The following FNTB variants were observed in gnomAD, a reference collection of about 807,000 sequenced individuals.
FNTB encodes farnesyltransferase, CAAX box, subunit beta, also known as protein farnesyltransferase subunit beta.
In FNTB, 27 loss-of-function variants were observed where a neutral mutation model predicts 59.4. That is an observed-to-expected ratio of 0.45 (90% CI 0.34 to 0.63). The LOEUF (loss-of-function observed/expected upper bound fraction) is 0.63, where lower values mean the gene tolerates loss of function less well. Ranked by LOEUF, FNTB falls within the 20% of genes least tolerant of loss-of-function variation. FNTB has a pLI of 0.02. For synonymous variants in FNTB, 230 were observed against 220.7 expected (o/e 1.04, Z -0.37); for missense variants, 449 against 559.6 (o/e 0.80, Z 1.99).
In FNTB at chr14:64,995,908, A is replaced by C. The variant is rs796542289; in HGVS notation, c.145-8341A>C. 8.6e-5 allele frequency among the ~76,000 whole-genome samples: 13 copies of C among 151,428 alleles called. 1 individual carries two copies. The highest frequency in any genetic ancestry group is 2.9e-4 in the African/African-American group (12 of 41,366). ...CACTTTGGGAGGCTGAGGCACGCGA[A>C]TCTCCTGAGGTTGAGACCAGCCTGG... On this transcript the variant is annotated intron_variant, in intron 1 of 11. Transcript: ENST00000246166.
At chr14:65,035,794 A>G (rs895270378) in intron 7 of FNTB, among the ~76,000 whole-genome samples, 3 of 151,778 alleles carry the variant, frequency 2.0e-5, no homozygotes, top group African/African-American at 4.8e-5. Flanking sequence ...TTGACCTACC[A>G]AAGTTCAAGG....
rs2062653604 is a variant in FNTB, at chr14:65,053,296, C to T, written c.1014C>T (p.Tyr338=). ...WMFHQQALQE[Y]ILMCCQCPAG... ...TCCATCAGCAGGCCCTGCAGGAGTACATCCTGATGTGCTGCCAGTGCCCTG... is the reference window on the plus strand; with the variant it reads ...TCCATCAGCAGGCCCTGCAGGAGTATATCCTGATGTGCTGCCAGTGCCCTG... The change falls in exon 10 of 12, where the codon TAC becomes TAT. Residue 338 remains tyrosine (Y), a synonymous_variant. Transcript: ENST00000246166. 2.1e-6 allele frequency: 3 copies of T among 1,462,994 alleles called. No individual in the cohort carries two copies. The highest frequency in any genetic ancestry group is 2.7e-6 in the Non-Finnish European group (3 of 1,099,902). 90.6% of individuals were successfully genotyped at this position (1,462,994 alleles called of 1,614,324 possible). A position where few individuals can be genotyped will look rare whatever the true frequency, so the allele number is the denominator to read the frequency against.
At chr14:65,005,578 CTCTG>C (rs1163380997) in intron 2 of FNTB, among the ~76,000 whole-genome samples, 1 of 149,450 alleles carries the variant, frequency 6.7e-6, no homozygotes, top group African/African-American at 2.5e-5. Context: ...CTCTTTCTGT[CTCTG>C]TCTTTCTCAC....
chr14:65,053,546 C>T (rs543008682), intron 10 of FNTB, among the ~76,000 whole-genome samples, 197 bp downstream of exon 10: 2 of 151,802 alleles, frequency 1.3e-5, no homozygotes, highest in Admixed American at 6.6e-5. Flanking sequence ...TCCAGCTGCC[C>T]GTCTTGTCCC....
chr14:65,059,837 C>CTTTT (rs34459085), intron 11 of FNTB, among the ~76,000 whole-genome samples: 5 of 134,242 alleles, frequency 3.7e-5, no homozygotes, highest in African/African-American at 1.1e-4. Flanking sequence ...GTCCTTTTTT[C>CTTTT]TTTTTTTTTT....
rs2062434422 is a variant in FNTB at position 65,044,640 on chromosome 14, T to C, written c.955+197T>C. 4.9e-6 allele frequency: 4 copies of C among 810,082 alleles called. No homozygotes were observed. Among genetic ancestry groups the C allele is most frequent in the Non-Finnish European group, 7.1e-6 (4 of 563,228 alleles). The allele number at this position is 810,082 out of a possible 1,614,324, so 50.2% of individuals were successfully genotyped here. A position where few individuals can be genotyped will look rare whatever the true frequency, so the allele number is the denominator to read the frequency against. ...TTTAGTTTCATTGGTTTAGTGTCAT[T>C]CTTTGCTTCTTCAAATTGGCTGCGA... On this transcript the variant is annotated intron_variant, in intron 9 of 11. Transcript: ENST00000246166. The surrounding 1 kb of genome is among the most constrained non-coding windows in gnomAD (Gnocchi z 5.5).
In FNTB at chr14:65,027,397, G is replaced by T. The variant is rs1050619887; in HGVS notation, c.375-56G>T. 91 of 1,599,334 alleles carry T rather than the reference G, an allele frequency of 5.7e-5. No individual in the cohort carries two copies. The highest frequency in any genetic ancestry group is 7.7e-5 in the Non-Finnish European group (90 of 1,171,838). ...AGGCCTGGAATCTAGTGGGAATTTG[G>T]TGTTTTGACATGAATGCTCTCTGAC... On this transcript the variant is annotated intron_variant, in intron 4 of 11. Transcript: ENST00000246166. This position sits in a 1 kb window ranked among gnomAD's most constrained non-coding sequence, Gnocchi z 5.7.
At chr14:65,019,553 C>G (rs1285224602) in intron 4 of FNTB, among the ~76,000 whole-genome samples, 1 of 152,114 alleles carries the variant, frequency 6.6e-6, no homozygotes, top group African/African-American at 2.4e-5. Context: ...CTACAATGAT[C>G]TTTTATTATT....
chr14:65,058,102 A>G (rs113765466), intron 11 of FNTB, among the ~76,000 whole-genome samples: 2 of 146,024 alleles, frequency 1.4e-5, no homozygotes, highest in African/African-American at 5.6e-5. Flanking sequence ...TTAATAGGAG[A>G]GAACCAACTT....
Position 65,044,163 on chromosome 14 carries a change from G to A in FNTB, c.823-148G>A. 7.1e-7 allele frequency: 1 copy of A among 1,402,358 alleles called. No individual in the cohort carries two copies. Among genetic ancestry groups the A allele is most frequent in the Admixed American group, 2.1e-5 (1 of 47,808 alleles). The allele number at this position is 1,402,358 out of a possible 1,614,324, so 86.9% of individuals were successfully genotyped here. A position where few individuals can be genotyped will look rare whatever the true frequency, so the allele number is the denominator to read the frequency against. On this transcript the variant is annotated intron_variant, in intron 8 of 11. Coordinates refer to ENST00000246166, the MANE Select transcript of FNTB (RefSeq NM_002028.4). This position sits in a 1 kb window ranked among gnomAD's most constrained non-coding sequence, Gnocchi z 5.5. ...GTCTATGGCAGTGTGGGGAGGGAAG[G>A]AAAGAAAACCAGAGCACCAAAACTA...
At chr14:65,021,475 G>T (rs992322484) in intron 4 of FNTB, among the ~76,000 whole-genome samples, 1 of 152,016 alleles carries the variant, frequency 6.6e-6, no homozygotes, top group Admixed American at 6.6e-5. Context: ...ACCTTTCAGT[G>T]AGGACACCAT....
intron 11 of FNTB, among the ~76,000 whole-genome samples, chr14:65,056,765 C>A (rs1404651136): frequency 6.6e-6 from 1 of 152,168 alleles, no homozygotes; most frequent in Non-Finnish European, 1.5e-5. Flanking sequence ...TAGTGAATAT[C>A]TTCCAGCTTG....
chr14:65,000,760 C>T (rs1888563359), intron 1 of FNTB, among the ~76,000 whole-genome samples: 1 of 135,468 alleles, frequency 7.4e-6, no homozygotes, highest in East Asian at 2.3e-4. Flanking sequence ...GTGGAGGTTG[C>T]AGTGAGCTGA....
intron 1 of FNTB, among the ~76,000 whole-genome samples, chr14:64,996,513 A>T: frequency 6.6e-6 from 1 of 152,126 alleles, no homozygotes; most frequent in East Asian, 1.9e-4. Flanking sequence ...TGGCCTTGGA[A>T]CCTAACAGTT....
intron 1 of FNTB, among the ~76,000 whole-genome samples, chr14:64,987,752 A>G (rs535646200): frequency 1.1e-4 from 16 of 152,334 alleles, no homozygotes; most frequent in African/African-American, 3.6e-4. Context: ...TGGATTTTGG[A>G]CTACTAATCA....
Position 65,031,023 on chromosome 14 carries a change from G to A in FNTB, c.606-1587G>A, listed in dbSNP as rs1051143889. Among the ~76,000 whole-genome samples, 1 of 152,006 alleles carries A rather than the reference G, an allele frequency of 6.6e-6. No homozygotes were observed. The highest frequency in any genetic ancestry group is 2.4e-5 in the African/African-American group (1 of 41,386). On this transcript the variant is annotated intron_variant, in intron 6 of 11. Coordinates refer to ENST00000246166, the MANE Select transcript of FNTB (RefSeq NM_002028.4). This position sits in a 1 kb window ranked among gnomAD's most constrained non-coding sequence, Gnocchi z 4.6. Reference sequence around the variant, plus strand: ...AGGTCTCACCATGTTGGCCAGGCTAGTCTCGAACTCCTGACCTCAAATAAT... The same window carrying A: ...AGGTCTCACCATGTTGGCCAGGCTAATCTCGAACTCCTGACCTCAAATAAT...
chr14:65,037,925 G>T (rs567126272), intron 7 of FNTB, among the ~76,000 whole-genome samples: 75 of 151,658 alleles, frequency 4.9e-4, no homozygotes, highest in African/African-American at 1.8e-3. Context: ...GATTATAGGC[G>T]TGCGCCACGA....
Position 65,044,515 on chromosome 14 carries a change from C to A in FNTB, c.955+72C>A, listed in dbSNP as rs2062431525. 1 of 1,547,188 alleles carries A rather than the reference C, an allele frequency of 6.5e-7. No individual in the cohort carries two copies. Among genetic ancestry groups the A allele is most frequent in the African/African-American group, 1.4e-5 (1 of 71,694 alleles). ...CTACTCACAAAGTCTGGAAGCCCAGCGTGCTTTTTTAGAGGGGTTGAAATG... is the reference window on the plus strand; with the variant it reads ...CTACTCACAAAGTCTGGAAGCCCAGAGTGCTTTTTTAGAGGGGTTGAAATG... On this transcript the variant is annotated intron_variant, in intron 9 of 11. Transcript: ENST00000246166. The surrounding 1 kb of genome is among the most constrained non-coding windows in gnomAD (Gnocchi z 5.5).
chr14:65,015,736 A>G lies in FNTB; in HGVS notation c.374+20A>G. The stretch of plus-strand genomic sequence containing the variant: ...TACAGAGTGAGTCTGTCTTTGGGAA[A>G]TCTGGGGTGTTCTCTGAAATTGTAT... On this transcript the variant is annotated intron_variant, in intron 4 of 11. Transcript: ENST00000246166. 6.2e-7 allele frequency: 1 copy of G among 1,609,370 alleles called. No homozygotes were observed. Among genetic ancestry groups the G allele is most frequent in the Non-Finnish European group, 8.5e-7 (1 of 1,176,776 alleles).
Sources: allele counts gnomAD v4.1 joint callset (sites outside exome capture counted in the v4.1 genomes callset), GRCh38; gene constraint gnomAD v4.1.1; non-coding constraint Gnocchi (gnomAD v3.1); transcripts MANE v1.5; gene names NCBI Gene and HGNC (gene_info 2026-07-23, HGNC 2026-07-21).